SCAPER: variants seen among roughly 807,000 people sequenced by gnomAD.
SCAPER encodes the protein S-phase cyclin A associated protein in the ER, also known as S phase cyclin A-associated protein in the endoplasmic reticulum.
SCAPER carries 98 observed loss-of-function variants against 182.2 expected under a neutral mutation model. That is an observed-to-expected ratio of 0.54 (90% CI 0.46 to 0.64). The LOEUF is 0.64. Ranked by LOEUF, SCAPER falls within the 30% of genes least tolerant of loss-of-function variation. The pLI is 0.00. For synonymous variants in SCAPER, 605 were observed against 564.6 expected (o/e 1.07, Z -1.01); for missense variants, 1,432 against 1,690.0 (o/e 0.85, Z 2.68).
chr15:76,712,967 A>G (rs1309350741), intron 17 of SCAPER, among the ~76,000 whole-genome samples: 1 of 152,198 alleles, frequency 6.6e-6, no homozygotes, highest in Non-Finnish European at 1.5e-5. Context: ...CAGAACTTCC[A>G]ACACTATGTT....
intron 23 of SCAPER, among the ~76,000 whole-genome samples, chr15:76,550,076 G>A (rs966163193): frequency 2.6e-5 from 4 of 152,114 alleles, no homozygotes; most frequent in Admixed American, 6.5e-5. Context: ...TTAATAACCA[G>A]AATGTATAAG....
intron 23 of SCAPER, among the ~76,000 whole-genome samples, chr15:76,519,689 G>A (rs576110496): frequency 6.6e-6 from 1 of 152,260 alleles, no homozygotes; most frequent in East Asian, 1.9e-4. Context: ...TGATGCCTCG[G>A]TGTTCTTATT....
At chr15:76,544,458 C>A (rs1026538593) in intron 23 of SCAPER, among the ~76,000 whole-genome samples, 1 of 152,142 alleles carries the variant, frequency 6.6e-6, no homozygotes, top group African/African-American at 2.4e-5. Context: ...CTACTGTATA[C>A]ATACAGTGGA....
In SCAPER at chr15:76,351,305, A is replaced by G; in HGVS notation, c.4048-17T>C. On this transcript the variant is annotated splice_polypyrimidine_tract_variant and intron_variant, in intron 30 of 31. Transcript: ENST00000563290. ...TGCCAAATCCTGTATGAGGAGAGAA[A>G]AGTGTTTTTCTATCAATGCTATGAA... The G allele has an allele frequency of 2.5e-6, 4 of 1,601,546 alleles. No individual in the cohort carries two copies. The highest frequency in any genetic ancestry group is 3.4e-6 in the Non-Finnish European group (4 of 1,173,926).
chr15:76,871,175 C>A (rs1460926833), intron 2 of SCAPER, among the ~76,000 whole-genome samples: 1 of 151,900 alleles, frequency 6.6e-6, no homozygotes, highest in Admixed American at 6.6e-5. Context: ...TTTGGGAGTT[C>A]AAGGCGGGCG....
chr15:76,606,727 T>C (rs1225051979), intron 22 of SCAPER, among the ~76,000 whole-genome samples: 2 of 151,832 alleles, frequency 1.3e-5, no homozygotes, highest in Non-Finnish European at 2.9e-5. Flanking sequence ...ATATTTAGGA[T>C]AGTTAGCTCT....
At chr15:76,579,259 C>T (rs2048081610) in intron 22 of SCAPER, among the ~76,000 whole-genome samples, 1 of 57,812 alleles carries the variant, frequency 1.7e-5, no homozygotes, top group Admixed American at 3.2e-4. Context: ...GAGCGAGACT[C>T]TGTCTCAAAA....
In SCAPER at chr15:76,795,360, G is replaced by A. The variant is rs758212944; in HGVS notation, c.692C>T (p.Thr231Ile). ...TATTTCTGAAGAAGCAGTAGAGCCT[G>A]TATGATGAGCCTTTACCTTGTCAGC... The part of the protein sequence containing the change: ...SWADKVKAHH[T>I]GSTASSEITP... The change falls in exon 8 of 32, where the codon ACA (threonine) becomes ATA (isoleucine). Residue 231 changes from threonine (T) to isoleucine (I), a missense_variant. This residue lies in a region of SCAPER where 480 missense variants were observed against 510.2 expected (regional missense o/e 0.94). Coordinates refer to ENST00000563290, the MANE Select transcript of SCAPER (RefSeq NM_020843.4). 2 of 1,613,400 alleles carry A rather than the reference G, an allele frequency of 1.2e-6. No homozygotes were observed. The highest frequency in any genetic ancestry group is 3.3e-5 in the Admixed American group (2 of 59,998).
At chr15:76,536,299 G>T (rs1330985382) in intron 23 of SCAPER, among the ~76,000 whole-genome samples, 2 of 152,048 alleles carry the variant, frequency 1.3e-5, no homozygotes, top group African/African-American at 4.8e-5. Context: ...TTCACATCCA[G>T]TCTGGGCAAC....
At chr15:76,752,037 T>TA (rs796803751) in intron 15 of SCAPER, among the ~76,000 whole-genome samples, 2,474 of 134,444 alleles carry the variant, frequency 0.018, 55 homozygotes, top group African/African-American at 0.057. Context: ...AACTCCACAA[T>TA]AAAAAAAAAA....
intron 21 of SCAPER, among the ~76,000 whole-genome samples, chr15:76,625,269 A>T (rs1175264233): frequency 2.6e-5 from 4 of 152,096 alleles, no homozygotes; most frequent in Admixed American, 2.6e-4. Flanking sequence ...ATGGCAGTGG[A>T]TGCACTGGAG....
chr15:76,605,360 C>G (rs1360243128), intron 22 of SCAPER, among the ~76,000 whole-genome samples: 2 of 152,114 alleles, frequency 1.3e-5, no homozygotes, highest in Non-Finnish European at 2.9e-5. Context: ...GCCTTGCATC[C>G]CAGGGATGAA....
intron 21 of SCAPER, among the ~76,000 whole-genome samples, chr15:76,641,964 T>C (rs551086480): frequency 3.3e-5 from 5 of 152,328 alleles, no homozygotes; most frequent in Admixed American, 6.5e-5. Context: ...TACCAATTAA[T>C]AGCTATGAAG....
rs56660301 is a variant in SCAPER, at chr15:76,535,521, CAAAAAAAA to C, written c.2839-30555_2839-30548del. 2.1e-3 allele frequency among the ~76,000 whole-genome samples: 100 copies of C among 46,622 alleles called. 1 individual carries two copies. In the South Asian group the frequency reaches 0.063, roughly 29 times the overall value. 30.6% of individuals were successfully genotyped at this position (46,622 alleles called of 152,430 possible). A position where few individuals can be genotyped will look rare whatever the true frequency, so the allele number is the denominator to read the frequency against. On this transcript the variant is annotated intron_variant, in intron 23 of 31. Coordinates refer to ENST00000563290, the MANE Select transcript of SCAPER (RefSeq NM_020843.4). ...TGGGCGACAGAGCAAGACTCTGTCT[CAAAAAAAA>C]AAAAAAAAAAAAAAAAAAGAAATTC... is the stretch of plus-strand genomic sequence containing the variant.
chr15:76,526,844 C>CT (rs1302705503), intron 23 of SCAPER, among the ~76,000 whole-genome samples: 2 of 151,602 alleles, frequency 1.3e-5, no homozygotes, highest in African/African-American at 2.4e-5. Flanking sequence ...CCTGAAAAAT[C>CT]TTTTTCAAAT....
intron 30 of SCAPER, among the ~76,000 whole-genome samples, chr15:76,353,499 AT>A (rs2040741432): frequency 6.6e-6 from 1 of 152,344 alleles, no homozygotes; most frequent in South Asian, 2.1e-4. Flanking sequence ...CATTAAAAAA[AT>A]CAATATAACA....
At chr15:76,568,275 C>T (rs1469028075) in intron 23 of SCAPER, among the ~76,000 whole-genome samples, 3 of 147,616 alleles carry the variant, frequency 2.0e-5, no homozygotes, top group Non-Finnish European at 4.4e-5. Flanking sequence ...TCTTTTTCTC[C>T]GTCTTGTCTC....
chr15:76,352,168 C>T (rs1169983658), intron 30 of SCAPER, among the ~76,000 whole-genome samples: 2 of 152,218 alleles, frequency 1.3e-5, no homozygotes, highest in Admixed American at 6.5e-5. Flanking sequence ...ATCATAAAAA[C>T]CTGCACATCA....
chr15:76,389,821 A>G (rs2043556505), intron 27 of SCAPER, among the ~76,000 whole-genome samples: 1 of 151,524 alleles, frequency 6.6e-6, no homozygotes, highest in Admixed American at 6.6e-5. Context: ...GTCTCAAAAA[A>G]AAAAAAAAAA....
Sources: allele counts gnomAD v4.1 joint callset (sites outside exome capture counted in the v4.1 genomes callset), GRCh38; gene constraint gnomAD v4.1.1; regional missense constraint gnomAD v4.1.1; transcripts MANE v1.5; gene names NCBI Gene and HGNC (gene_info 2026-07-23, HGNC 2026-07-21).